The following BCL11A variants were observed in gnomAD, a reference collection of about 807,000 sequenced individuals.
BCL11A encodes the protein BCL11 transcription factor A, also known as B cell CLL/lymphoma 11A.
BCL11A carries 2 observed loss-of-function variants against 55.9 expected under a neutral mutation model. That is an observed-to-expected ratio of 0.04 (90% CI 0.01 to 0.11). The LOEUF is 0.11. Among genes scored for constraint, BCL11A ranks in the 10% least tolerant of loss-of-function variants. The pLI is 1.00. For missense variants in BCL11A, 817 were observed against 1,137.1 expected, an observed-to-expected ratio of 0.72 and a Z score of 4.05; for synonymous variants, 465 against 473.4, an observed-to-expected ratio of 0.98 and a Z score of 0.23.
chr2:60,482,587 G>A (rs150879642), intron 2 of BCL11A, among the ~76,000 whole-genome samples: 50 of 152,284 alleles, frequency 3.3e-4, no homozygotes, highest in African/African-American at 1.1e-3. Flanking sequence ...TGCACTTCTC[G>A]CGTATGTGAA....
chr2:60,519,539 TTGCC>T (rs3028029), intron 2 of BCL11A, among the ~76,000 whole-genome samples: 3,066 of 147,600 alleles, frequency 0.021, 75 homozygotes, highest in African/African-American at 0.057. Context: ...AGGTCCTCAC[TTGCC>T]TGCCTGCCTG....
At chr2:60,491,997 C>T (rs753707164) in intron 2 of BCL11A, among the ~76,000 whole-genome samples, 4 of 152,166 alleles carry the variant, frequency 2.6e-5, no homozygotes, top group Non-Finnish European at 4.4e-5. Context: ...GTAGGAAAAA[C>T]AAAAACCCTC....
intron 2 of BCL11A, among the ~76,000 whole-genome samples, chr2:60,469,937 AG>A (rs45487596): frequency 6.6e-6 from 1 of 152,202 alleles, no homozygotes; most frequent in Admixed American, 6.5e-5. Flanking sequence ...GTGAACAAAC[AG>A]TATGTTTTCC....
At chr2:60,452,881 G>A (rs1216825307), downstream of BCL11A, 4 of 487,334 alleles carry the variant, frequency 8.2e-6, no homozygotes, top group Admixed American at 3.4e-5. Context: ...CCTCCCTTCC[G>A]TCCCCCCAAG....
chr2:60,536,495 T>G (rs1402964683), intron 2 of BCL11A: 1 of 152,206 alleles, frequency 6.6e-6, no homozygotes, highest in East Asian at 1.9e-4. Flanking sequence ...CAATTCCGTT[T>G]GACACTAATG....
intron 2 of BCL11A, among the ~76,000 whole-genome samples, chr2:60,473,481 G>C (rs1023800878): frequency 6.6e-6 from 1 of 152,078 alleles, no homozygotes; most frequent in African/African-American, 2.4e-5. Flanking sequence ...CCACCTTCTA[G>C]ACTACACTTA....
intron 2 of BCL11A, among the ~76,000 whole-genome samples, chr2:60,482,921 CAG>C (rs2104204686): frequency 6.6e-6 from 1 of 152,336 alleles, no homozygotes; most frequent in Admixed American, 6.5e-5. Context: ...CATTGATTGG[CAG>C]AGTCCCCACT....
chr2:60,545,725 A>G (rs528553845), intron 2 of BCL11A: 4 of 479,318 alleles, frequency 8.3e-6, no homozygotes, highest in Non-Finnish European at 1.5e-5. Flanking sequence ...CGACAGATCC[A>G]GAGAGAAGGT....
chr2:60,484,877 T>A (rs568074429), intron 2 of BCL11A, among the ~76,000 whole-genome samples: 28 of 151,564 alleles, frequency 1.8e-4, no homozygotes, highest in African/African-American at 6.5e-4. Context: ...GGGTGTGTGT[T>A]CATGACCATG....
At position 60,462,120 on chromosome 2, in the gene BCL11A, G is replaced by A. The variant is rs368407556; in HGVS notation, c.792C>T (p.Pro264=). 1.7e-5 allele frequency: 26 copies of A among 1,551,746 alleles called. No homozygotes were observed. Among genetic ancestry groups the A allele is most frequent in the East Asian group, 6.8e-5 (3 of 44,204 alleles). ...LAEGRFPPTP[P]LFSPPPRHHL... is the part of the protein sequence containing the mutation. ...GATGTCTCGGTGGTGGACTAAACAG[G>A]GGGGGAGTGGGTGGAAAGCGCCCTT... The change falls in exon 4 of 4, where the codon CCC becomes CCT. Residue 264 remains proline, a synonymous_variant. Transcript: ENST00000642384.
At chr2:60,465,188 A>G (rs971502390) in intron 3 of BCL11A, among the ~76,000 whole-genome samples, 49 of 152,268 alleles carry the variant, frequency 3.2e-4, no homozygotes, top group Non-Finnish European at 7.3e-5. Context: ...CCTAAACTGC[A>G]GTCATCAATA....
intron 2 of BCL11A, among the ~76,000 whole-genome samples, chr2:60,483,487 C>G (rs1678076456): frequency 6.6e-6 from 1 of 152,244 alleles, no homozygotes; most frequent in Non-Finnish European, 1.5e-5. Flanking sequence ...TAGCCCCAGT[C>G]TGTTTCTCTG....
At chr2:60,541,229 TA>T (rs5831586) in intron 2 of BCL11A, among the ~76,000 whole-genome samples, 88,455 of 151,980 alleles carry the variant, frequency 0.58, 26,477 homozygotes, top group East Asian at 0.76. Context: ...ACATTATTTA[TA>T]AAAGATGACT....
intron 2 of BCL11A, among the ~76,000 whole-genome samples, chr2:60,539,864 T>C (rs1014169242): frequency 4.6e-5 from 7 of 152,162 alleles, no homozygotes; most frequent in Non-Finnish European, 2.9e-5. Context: ...GTAAATTTAC[T>C]GATATTGGCC....
intron 2 of BCL11A, among the ~76,000 whole-genome samples, chr2:60,508,977 C>T (rs547016065): frequency 6.6e-6 from 1 of 152,354 alleles, no homozygotes; most frequent in African/African-American, 2.4e-5. Context: ...CCAAGGAGCT[C>T]TCCTATGACA....
intron 2 of BCL11A, among the ~76,000 whole-genome samples, chr2:60,471,094 G>C (rs564789407): frequency 6.6e-6 from 1 of 152,218 alleles, no homozygotes; most frequent in African/African-American, 2.4e-5. Flanking sequence ...AACCGTCTTG[G>C]GGGAGGGTCC....
In BCL11A at chr2:60,459,127, A is replaced by C; in HGVS notation, c.*1277T>G. ...GCAAATAGTACCACGTTGTGCTAAT[A>C]AATCATATTATTTTCTTCTGTTCCC... On this transcript the variant is annotated 3_prime_UTR_variant, in exon 4 of 4. Coordinates refer to ENST00000642384, the MANE Select transcript of BCL11A (RefSeq NM_022893.4). The C allele has an allele frequency of 2.0e-6, 2 of 1,023,312 alleles. No individual in the cohort carries two copies. The highest frequency in any genetic ancestry group is 9.3e-5 in the South Asian group (2 of 21,572). The allele number at this position is 1,023,312 out of a possible 1,614,324, so 63.4% of individuals were successfully genotyped here. A position where few individuals can be genotyped will look rare whatever the true frequency, so the allele number is the denominator to read the frequency against.
chr2:60,488,104 T>A (rs981047171), intron 2 of BCL11A, among the ~76,000 whole-genome samples: 1 of 152,276 alleles, frequency 6.6e-6, no homozygotes, highest in African/African-American at 2.4e-5. Flanking sequence ...TTTATTCTCA[T>A]TATGTAGAAA....
chr2:60,504,325 T>G (rs1385471524), intron 2 of BCL11A, among the ~76,000 whole-genome samples: 1 of 152,158 alleles, frequency 6.6e-6, no homozygotes, highest in Admixed American at 6.5e-5. Flanking sequence ...CTTCCTTTCT[T>G]AGTCACTGCA....
Sources: allele counts gnomAD v4.1 joint callset (sites outside exome capture counted in the v4.1 genomes callset), GRCh38; gene constraint gnomAD v4.1.1; transcripts MANE v1.5; gene names NCBI Gene and HGNC (gene_info 2026-07-23, HGNC 2026-07-21).